HEPACAM2: variants seen among roughly 807,000 people sequenced by gnomAD.
HEPACAM2 encodes mitotic kinetics regulator.
HEPACAM2 carries 49 observed loss-of-function variants against 49.6 expected under a neutral mutation model. That is an observed-to-expected ratio of 0.99 (90% CI 0.78 to 1.25). The LOEUF (loss-of-function observed/expected upper bound fraction) is 1.25, where lower values mean the gene tolerates loss of function less well. Among genes scored for constraint, HEPACAM2 ranks in the 50% most tolerant of loss-of-function variants. The pLI is 0.00. For missense variants in HEPACAM2, 525 were observed against 557.2 expected, an observed-to-expected ratio of 0.94 and a Z score of 0.58; for synonymous variants, 197 against 202.9, an observed-to-expected ratio of 0.97 and a Z score of 0.25.
At chr7:93,194,638 C>T (rs753627242) in intron 8 of HEPACAM2, among the ~76,000 whole-genome samples, 11 of 151,986 alleles carry the variant, frequency 7.2e-5, no homozygotes, top group Admixed American at 1.3e-4. Context: ...AACTCTGTGG[C>T]GAGGAAGCTT....
At position 93,197,562 on chromosome 7, in the gene HEPACAM2, C is replaced by G; in HGVS notation, c.1061G>C (p.Ser354Thr). 1 of 1,598,510 alleles carries G rather than the reference C, an allele frequency of 6.3e-7. No homozygotes were observed. The highest frequency in any genetic ancestry group is 8.6e-7 in the Non-Finnish European group (1 of 1,169,298). Residue 354 changes from serine (S) to threonine (T), a missense_variant, in exon 5 of 10, where the codon AGT (serine) becomes ACT (threonine). Ser to Thr is a moderately conservative substitution (Grantham distance 58). Coordinates refer to ENST00000394468, the MANE Select transcript of HEPACAM2 (RefSeq NM_001039372.4). ...CAAAAATAGTGATATTCCAGTTATA[C>G]TTGCTAAAGGTGACAATGATTTTCC... ...QKGKSLSPLA[S>T]ITGISLFLII...
chr7:93,201,704 C>G (rs187735132), intron 4 of HEPACAM2, among the ~76,000 whole-genome samples: 159 of 152,184 alleles, frequency 1.0e-3, no homozygotes, highest in African/African-American at 3.6e-3. Context: ...CAAATCTACT[C>G]AGTTCTACCA....
intron 3 of HEPACAM2, among the ~76,000 whole-genome samples, chr7:93,209,765 G>A (rs774627685): frequency 6.6e-6 from 1 of 151,800 alleles, no homozygotes; most frequent in Non-Finnish European, 1.5e-5. Context: ...CATACTTTCA[G>A]TATTATCTAT....
At position 93,204,063 on chromosome 7, in the gene HEPACAM2, C is replaced by A. The variant is rs1793963093; in HGVS notation, c.1012+4517G>T. On this transcript the variant is annotated intron_variant, in intron 4 of 9. Transcript: ENST00000394468. ...TAGACATCTTGACTTGAGAAATTTC[C>A]AGATAGAAAAAATTAGTAAATTCAT... is the stretch of plus-strand genomic sequence containing the variant. 3.3e-5 allele frequency among the ~76,000 whole-genome samples: 5 copies of A among 152,064 alleles called. No individual in the cohort carries two copies. In the South Asian group the frequency reaches 1.0e-3, roughly 31 times the overall value.
At chr7:93,225,924 C>G in intron 1 of HEPACAM2, 4 of 1,431,004 alleles carry the variant, frequency 2.8e-6, no homozygotes. Flanking sequence ...TAACTTAAAA[C>G]GAAGCAGTAA....
chr7:93,204,375 ATC>A (rs1003105451), intron 4 of HEPACAM2, among the ~76,000 whole-genome samples: 2 of 146,488 alleles, frequency 1.4e-5, no homozygotes, highest in African/African-American at 5.0e-5. Flanking sequence ...TCTATCTATC[ATC>A]TCTCTGTCTG....
chr7:93,190,299 A>C (rs933307808), intron 9 of HEPACAM2, among the ~76,000 whole-genome samples: 2 of 152,082 alleles, frequency 1.3e-5, no homozygotes, highest in Non-Finnish European at 2.9e-5. Context: ...ATAATGCTGG[A>C]AGACAGACAG....
In HEPACAM2 at chr7:93,215,495, A is replaced by G. The variant is rs1584350229; in HGVS notation, c.621T>C (p.Ala207=). The G allele has an allele frequency of 1.2e-6, 2 of 1,613,826 alleles. No homozygotes were observed. The highest frequency in any genetic ancestry group is 1.7e-6 in the Non-Finnish European group (2 of 1,179,858). The change falls in exon 3 of 10, where the codon GCT becomes GCC. Residue 207 remains alanine (A), a synonymous_variant. Coordinates refer to ENST00000394468, the MANE Select transcript of HEPACAM2 (RefSeq NM_001039372.4). ...TCCCAATGTCTTCCTTGGTTACTGG[A>G]GCAATATGAAGGGTATTGTTTTGGG... The part of the protein sequence containing the change: ...FSPQNNTLHI[A]PVTKEDIGNY...
intron 9 of HEPACAM2, among the ~76,000 whole-genome samples, chr7:93,190,283 G>A (rs186732760): frequency 4.6e-5 from 7 of 152,060 alleles, no homozygotes; most frequent in South Asian, 4.1e-4. Context: ...TTGGCTCCCC[G>A]TTTAGATAAT....
chr7:93,228,230 G>A (rs11773604), upstream of HEPACAM2, among the ~76,000 whole-genome samples: 2 of 152,006 alleles, frequency 1.3e-5, no homozygotes, highest in Non-Finnish European at 2.9e-5. Context: ...ATATAAAGGA[G>A]TTTTTTATTC....
At chr7:93,229,197 A>G (rs1584361713), upstream of HEPACAM2, among the ~76,000 whole-genome samples, 1 of 152,218 alleles carries the variant, frequency 6.6e-6, no homozygotes, top group Non-Finnish European at 1.5e-5. Context: ...TCCAGTTTAC[A>G]GGGAGAGTTA....
At chr7:93,212,663 C>T (rs190223367) in intron 3 of HEPACAM2, among the ~76,000 whole-genome samples, 5 of 152,016 alleles carry the variant, frequency 3.3e-5, no homozygotes, top group African/African-American at 1.2e-4. Flanking sequence ...CTCTCTTTAT[C>T]ACACATGCAC....
chr7:93,192,020 T>G (rs1437531894), intron 9 of HEPACAM2, among the ~76,000 whole-genome samples: 2 of 152,134 alleles, frequency 1.3e-5, no homozygotes, highest in Non-Finnish European at 2.9e-5. Flanking sequence ...AAGTTGATTC[T>G]AGAGTTTTGT....
rs759331669 is a variant in HEPACAM2, at chr7:93,208,630, A to G, written c.962T>C (p.Ile321Thr). The G allele has an allele frequency of 9.3e-6, 15 of 1,613,076 alleles. No homozygotes were observed. The highest frequency in any genetic ancestry group is 1.7e-5 in the Admixed American group (1 of 59,956). ...ATGAGTTTCATCTTGCCTGCCGGTT[A>G]TGTTGTTGTAAGCACAGCACACATA... ...MDYVCCAYNN[I>T]TGRQDETHFT... is the part of the protein sequence containing the mutation. Residue 321 changes from isoleucine to threonine, a missense_variant, in exon 4 of 10, where the codon ATA becomes ACA. By Grantham distance (89) the Ile-to-Thr change is moderately conservative (BLOSUM62 -1). Transcript: ENST00000394468.
At chr7:93,221,167 A>G (rs923829295) in intron 1 of HEPACAM2, among the ~76,000 whole-genome samples, 8 of 152,318 alleles carry the variant, frequency 5.3e-5, no homozygotes, top group Middle Eastern at 3.4e-3. Flanking sequence ...GGAAAGGGAA[A>G]TGTTGATGAG....
At chr7:93,231,370 CCGATT>C (rs1299262993), upstream of HEPACAM2, among the ~76,000 whole-genome samples, 1 of 152,172 alleles carries the variant, frequency 6.6e-6, no homozygotes, top group Non-Finnish European at 1.5e-5. Context: ...CATCTGATGA[CCGATT>C]AATCCTTCAG....
At chr7:93,197,994 AT>A (rs1461575062) in intron 4 of HEPACAM2, among the ~76,000 whole-genome samples, 1 of 152,086 alleles carries the variant, frequency 6.6e-6, no homozygotes, top group Non-Finnish European at 1.5e-5. Flanking sequence ...TTTTAGCATA[AT>A]TCAAGTATGT....
chr7:93,200,039 A>G (rs1045108397), intron 4 of HEPACAM2, among the ~76,000 whole-genome samples: 2 of 150,940 alleles, frequency 1.3e-5, no homozygotes, highest in Admixed American at 6.6e-5. Context: ...AAGTTTGTTG[A>G]TTTTTTTTAA....
intron 1 of HEPACAM2, among the ~76,000 whole-genome samples, chr7:93,225,567 A>G (rs1297530930): frequency 6.6e-6 from 1 of 152,174 alleles, no homozygotes; most frequent in East Asian, 1.9e-4. Context: ...ATGTAGCCTT[A>G]ATTGAACTCC....
Sources: gnomAD v4.1 joint callset for allele counts (sites outside exome capture counted in the v4.1 genomes callset) on GRCh38, gnomAD v4.1.1 for gene constraint, MANE v1.5 for transcripts, NCBI Gene and HGNC (gene_info 2026-07-23, HGNC 2026-07-21) for gene names.